Variants in CTNNA2 observed in about 807,000 individuals in gnomAD.
CTNNA2 encodes the protein catenin alpha-2.
Under a neutral mutation model 101.0 loss-of-function variants are expected in CTNNA2, and 42 were observed. The ratio of observed to expected loss-of-function variants is 0.42; its 90% CI spans 0.32 to 0.54. The LOEUF is 0.54. Ranked by LOEUF, CTNNA2 falls within the 20% of genes least tolerant of loss-of-function variation. The pLI, the probability that CTNNA2 is intolerant of heterozygous loss-of-function variation, is 0.14. For synonymous variants in CTNNA2, 450 were observed against 456.4 expected (o/e 0.99, Z 0.18); for missense variants, 871 against 1,223.1 (o/e 0.71, Z 4.29).
intron 3 of CTNNA2, among the ~76,000 whole-genome samples, chr2:79,800,617 A>G (rs1676081122): frequency 1.3e-5 from 2 of 152,206 alleles, no homozygotes. Context: ...GTCCACCTGC[A>G]GAAGGGGACA....
chr2:80,551,934 A>C lies in CTNNA2; in HGVS notation c.1541-3759A>C, dbSNP rs181185917. Among the ~76,000 whole-genome samples the C allele has an allele frequency of 2.1e-3, 317 of 152,278 alleles. 3 individuals carry two copies. Among genetic ancestry groups the C allele is most frequent in the Admixed American group, 0.019 (292 of 15,292 alleles). ...TTCTAGCTTTTGATTTCAAGTGAGAAATGTGTGACCCTTCCTTTCACTTGA... is the reference window on the plus strand; with the variant it reads ...TTCTAGCTTTTGATTTCAAGTGAGACATGTGTGACCCTTCCTTTCACTTGA... On this transcript the variant is annotated intron_variant, in intron 11 of 18. Transcript: ENST00000402739.
At chr2:80,040,057 T>G (rs927859129) in intron 7 of CTNNA2, among the ~76,000 whole-genome samples, 1 of 152,240 alleles carries the variant, frequency 6.6e-6, no homozygotes, top group Non-Finnish European at 1.5e-5. Flanking sequence ...TCTTTCTACA[T>G]GTCAAAGCTT....
intron 7 of CTNNA2, among the ~76,000 whole-genome samples, chr2:80,185,585 CAG>C (rs1042399573): frequency 6.6e-6 from 1 of 152,182 alleles, no homozygotes; most frequent in Non-Finnish European, 1.5e-5. Context: ...CAGGACCTTT[CAG>C]AGTCTTGAGC....
intron 7 of CTNNA2, among the ~76,000 whole-genome samples, chr2:80,041,093 C>CAAAAATATATATGTCAA (rs1696022416): frequency 1.3e-5 from 2 of 151,860 alleles, no homozygotes; most frequent in East Asian, 3.8e-4. Context: ...ATGTCATTAA[C>CAAAAATATATATGTCAA]AATATAATAT....
At chr2:79,704,928 A>G (rs925970092) in intron 2 of CTNNA2, among the ~76,000 whole-genome samples, 2 of 139,882 alleles carry the variant, frequency 1.4e-5, no homozygotes, top group Non-Finnish European at 3.2e-5. Context: ...AAGTATTCTG[A>G]TGCTCGAAAG....
At chr2:80,056,867 C>G (rs999007237) in intron 7 of CTNNA2, among the ~76,000 whole-genome samples, 1 of 152,168 alleles carries the variant, frequency 6.6e-6, no homozygotes, top group Non-Finnish European at 1.5e-5. Context: ...GGCAATATCT[C>G]TGTTAATCTT....
At chr2:80,114,596 A>C (rs1701414002) in intron 7 of CTNNA2, among the ~76,000 whole-genome samples, 1 of 152,210 alleles carries the variant, frequency 6.6e-6, no homozygotes, top group African/African-American at 2.4e-5. Context: ...TGCAGTGTCC[A>C]GTTAGAGGAG....
intron 7 of CTNNA2, among the ~76,000 whole-genome samples, chr2:80,325,137 A>T (rs1007501662): frequency 6.6e-6 from 1 of 152,226 alleles, no homozygotes; most frequent in Non-Finnish European, 1.5e-5. Flanking sequence ...AAATGAATAA[A>T]TGAATGAAAG....
intron 1 of CTNNA2, among the ~76,000 whole-genome samples, chr2:79,192,812 T>A (rs1167513952): frequency 6.6e-6 from 1 of 152,084 alleles, no homozygotes; most frequent in Admixed American, 6.6e-5. Context: ...TTCTATTAAA[T>A]TGTAATTGCT....
At chr2:79,589,942 G>T (rs1676739508) in intron 1 of CTNNA2, among the ~76,000 whole-genome samples, 1 of 152,146 alleles carries the variant, frequency 6.6e-6, no homozygotes, top group African/African-American at 2.4e-5. Flanking sequence ...CCTCTTCTAG[G>T]TATACACAAT....
At chr2:79,409,231 T>G (rs1196475132) in intron 4 of CTNNA2, among the ~76,000 whole-genome samples, 2 of 152,178 alleles carry the variant, frequency 1.3e-5, no homozygotes, top group Admixed American at 6.6e-5. Context: ...TGCGAAAATT[T>G]TCTCCCATTT....
At chr2:80,628,196 GTTTGTAGATTCAATGCTATC>G (rs1340093108) in intron 18 of CTNNA2, among the ~76,000 whole-genome samples, 4 of 152,010 alleles carry the variant, frequency 2.6e-5, no homozygotes, top group African/African-American at 9.6e-5. Flanking sequence ...GCCCAAGGTA[GTTTGTAGATTCAATGCTATC>G]CCCATCAAGC....
intron 7 of CTNNA2, among the ~76,000 whole-genome samples, chr2:80,357,940 C>T (rs185036774): frequency 5.9e-5 from 9 of 152,146 alleles, no homozygotes; most frequent in African/African-American, 1.4e-4. Flanking sequence ...GTAGAGGTGG[C>T]GCTTATCTTT....
At chr2:79,970,742 G>A (rs1690418875) in intron 7 of CTNNA2, among the ~76,000 whole-genome samples, 1 of 152,084 alleles carries the variant, frequency 6.6e-6, no homozygotes. Flanking sequence ...ATTACTGTGA[G>A]GAAAGCAATT....
At chr2:79,408,731 G>A (rs967560007) in intron 4 of CTNNA2, among the ~76,000 whole-genome samples, 1 of 152,014 alleles carries the variant, frequency 6.6e-6, no homozygotes, top group Non-Finnish European at 1.5e-5. Context: ...CCAAGTCTTT[G>A]CTATTGTGAA....
chr2:80,549,094 A>T (rs577063687), intron 11 of CTNNA2, among the ~76,000 whole-genome samples: 1 of 152,194 alleles, frequency 6.6e-6, no homozygotes, highest in South Asian at 2.1e-4. Context: ...CAGGAGCAAA[A>T]CCAATTTTAA....
chr2:79,269,761 T>A (rs1675038588), intron 2 of CTNNA2, among the ~76,000 whole-genome samples: 1 of 152,124 alleles, frequency 6.6e-6, no homozygotes, highest in Non-Finnish European at 1.5e-5. Flanking sequence ...TTGTATGCAC[T>A]ACTATCAAGT....
At chr2:79,969,373 A>G (rs903267875) in intron 7 of CTNNA2, among the ~76,000 whole-genome samples, 1 of 152,214 alleles carries the variant, frequency 6.6e-6, no homozygotes, top group Non-Finnish European at 1.5e-5. Flanking sequence ...ACAGCAAATT[A>G]TATGCATTTG....
At chr2:80,292,943 C>CA (rs1456257709) in intron 7 of CTNNA2, among the ~76,000 whole-genome samples, 1 of 151,722 alleles carries the variant, frequency 6.6e-6, no homozygotes. Context: ...AAATAATATG[C>CA]AAAAAAGATC....
Sources: allele counts gnomAD v4.1 joint callset (sites outside exome capture counted in the v4.1 genomes callset), GRCh38; gene constraint gnomAD v4.1.1; transcripts MANE v1.5; gene names NCBI Gene and HGNC (gene_info 2026-07-23, HGNC 2026-07-21).